Variants in WDFY4 observed in about 807,000 individuals in gnomAD.
The protein encoded by WDFY4 is WDFY family member 4, also known as WD repeat- and FYVE domain-containing protein 4.
Under a neutral mutation model 351.9 loss-of-function variants are expected in WDFY4, and 169 were observed. The ratio of observed to expected loss-of-function variants is 0.48; its 90% CI spans 0.42 to 0.55. The LOEUF (loss-of-function observed/expected upper bound fraction) is 0.55, where lower values mean the gene tolerates loss of function less well. Ranked by LOEUF, WDFY4 falls within the 20% of genes least tolerant of loss-of-function variation. WDFY4 has a pLI of 0.00. For missense variants in WDFY4, 3,803 were observed against 3,935.6 expected (o/e 0.97, Z 0.90); for synonymous variants, 1,622 against 1,574.6 (o/e 1.03, Z -0.71).
intron 47 of WDFY4, among the ~76,000 whole-genome samples, chr10:48,916,766 T>A (rs1305305403): frequency 6.6e-6 from 1 of 152,166 alleles, no homozygotes; most frequent in African/African-American, 2.4e-5. Context: ...CAGAGGTGAT[T>A]TCTTCATTGT....
chr10:48,978,671 G>C (rs549962075), intron 60 of WDFY4: 1 of 345,370 alleles, frequency 2.9e-6, no homozygotes, highest in African/African-American at 2.1e-5. Flanking sequence ...ATGAACACAG[G>C]TACAAACCTC....
chr10:48,961,164 G>A (rs1359596439), intron 53 of WDFY4, among the ~76,000 whole-genome samples: 1 of 152,226 alleles, frequency 6.6e-6, no homozygotes, highest in African/African-American at 2.4e-5. Flanking sequence ...TCTGCAAAGA[G>A]AAAGTTCTTC....
chr10:48,715,991 A>C lies in WDFY4; in HGVS notation c.235-4020A>C, dbSNP rs139669362. ...GATGTGGTGTCCTGAGGGGACAGTA[A>C]GGGTAAGCCCTCCTCTTTGTCCACT... is the stretch of plus-strand genomic sequence containing the variant. On this transcript the variant is annotated intron_variant, in intron 2 of 61. Coordinates refer to ENST00000325239, the MANE Select transcript of WDFY4 (RefSeq NM_001394531.1). 7.0e-3 allele frequency among the ~76,000 whole-genome samples: 1,061 copies of C among 152,152 alleles called. 11 individuals are homozygous for C. Among genetic ancestry groups the C allele is most frequent in the African/African-American group, 0.024 (1,015 of 41,500 alleles).
intron 47 of WDFY4, among the ~76,000 whole-genome samples, chr10:48,920,124 A>G (rs1266912058): frequency 1.4e-5 from 1 of 69,092 alleles, no homozygotes; most frequent in African/African-American, 4.9e-5. Context: ...GACTAAAAAG[A>G]AAAAAAAAAG....
intron 47 of WDFY4, among the ~76,000 whole-genome samples, chr10:48,922,007 C>A (rs187191740): frequency 6.6e-6 from 1 of 152,132 alleles, no homozygotes; most frequent in Non-Finnish European, 1.5e-5. Context: ...CATACTGAAA[C>A]CTGTTCACAG....
intron 9 of WDFY4, among the ~76,000 whole-genome samples, chr10:48,733,418 TC>T: frequency 6.6e-6 from 1 of 152,266 alleles, no homozygotes; most frequent in Non-Finnish European, 1.5e-5. Flanking sequence ...CCCTCATGGG[TC>T]TACTGGGATC....
At chr10:48,794,448 G>A (rs1054958052) in intron 23 of WDFY4, among the ~76,000 whole-genome samples, 2 of 152,140 alleles carry the variant, frequency 1.3e-5, no homozygotes, top group African/African-American at 4.8e-5. Flanking sequence ...GTATCATGTG[G>A]GAGAGAAGGC....
At position 48,778,431 on chromosome 10, in the gene WDFY4, C is replaced by G. The variant is rs535781195; in HGVS notation, c.3176-180C>G. On this transcript the variant is annotated intron_variant, in intron 17 of 61. Transcript: ENST00000325239. ...CACGTGTGACGGACCTCAGGGAGAT[C>G]GAGATCTTCTCTGCTCCCTTGGCAA... Among the ~76,000 whole-genome samples, 3 of 152,368 alleles carry G rather than the reference C, an allele frequency of 2.0e-5. No individual in the cohort carries two copies. The South Asian group carries it at 6.2e-4, about 32-fold the overall frequency.
At chr10:48,872,101 G>T (rs2069805707) in intron 40 of WDFY4, among the ~76,000 whole-genome samples, 1 of 152,180 alleles carries the variant, frequency 6.6e-6, no homozygotes, top group Non-Finnish European at 1.5e-5. Context: ...TCCATCAAAT[G>T]CCAGAAACCA....
intron 11 of WDFY4, among the ~76,000 whole-genome samples, chr10:48,739,071 G>A (rs1212958845): frequency 6.6e-6 from 1 of 152,148 alleles, no homozygotes; most frequent in East Asian, 1.9e-4. Context: ...GACTGTGATT[G>A]GGTTATGCAC....
rs562507940 is a variant in WDFY4, at chr10:48,898,408, C to T, written c.7437+834C>T. Among the ~76,000 whole-genome samples the T allele has an allele frequency of 1.3e-4, 20 of 152,228 alleles. No homozygotes were observed. In the South Asian group the frequency reaches 3.1e-3, roughly 24 times the overall value. ...GCAGAAAAGGGGATCCTAGGGACCA[C>T]GTAACAGGAGGGTCAGGATCTCTTC... On this transcript the variant is annotated intron_variant, in intron 45 of 61. Transcript: ENST00000325239.
At chr10:48,930,257 A>G (rs985324873) in intron 47 of WDFY4, among the ~76,000 whole-genome samples, 1 of 152,216 alleles carries the variant, frequency 6.6e-6, no homozygotes, top group Admixed American at 6.5e-5. Context: ...TTTTACATGT[A>G]CTGTTGAAGG....
In WDFY4 at chr10:48,845,476, AAG is replaced by A. The variant is rs146399829; in HGVS notation, c.6663+12774_6663+12775del. 1.5e-3 allele frequency among the ~76,000 whole-genome samples: 231 copies of A among 151,968 alleles called. 1 individual carries two copies. Among genetic ancestry groups the A allele is most frequent in the African/African-American group, 5.2e-3 (215 of 41,292 alleles). ...TTATGCTGTAAAAAGAGGTGCCCAG[AAG>A]AGAGAGTGCAAGTCTGGTTTGGAGG... On this transcript the variant is annotated intron_variant, in intron 39 of 61. Transcript: ENST00000325239.
intron 20 of WDFY4, among the ~76,000 whole-genome samples, chr10:48,787,948 CTTCTTCTT>C: frequency 9.3e-6 from 1 of 107,782 alleles, no homozygotes; most frequent in Non-Finnish European, 1.9e-5. Flanking sequence ...TCTTCTTCTT[CTTCTTCTT>C]CTTCTTCTTC....
At chr10:48,978,211 C>G (rs780399546) in intron 59 of WDFY4, 98 bp from the exon 60 acceptor site, 138 of 1,261,824 alleles carry the variant, frequency 1.1e-4, no homozygotes, top group Non-Finnish European at 1.4e-4. Flanking sequence ...TCATCCTTTC[C>G]CTGGGGGACC....
In WDFY4 at chr10:48,974,991, C is replaced by T. The variant is rs1189054947; in HGVS notation, c.9058C>T (p.Leu3020=). Residue 3020 remains leucine, a synonymous_variant, in exon 58 of 62, where the codon CTG becomes TTG. Transcript: ENST00000325239. ...DLDHLTHVTR[L]PAHREGISAI... ...GGACCACCTCACCCACGTGACCCGC[C>T]TGCCCGCCCATCGGGAAGGCATCTC... is the stretch of plus-strand genomic sequence containing the variant. 3.2e-6 allele frequency: 5 copies of T among 1,551,724 alleles called. No individual in the cohort carries two copies. The highest frequency in any genetic ancestry group is 3.5e-6 in the Non-Finnish European group (4 of 1,147,010).
chr10:48,950,020 T>C (rs147133854), intron 51 of WDFY4, among the ~76,000 whole-genome samples: 47 of 152,322 alleles, frequency 3.1e-4, no homozygotes, highest in African/African-American at 9.9e-4. Context: ...TAAACTATTT[T>C]ATACTTATTT....
At chr10:48,696,943 G>C (rs190755526) in intron 1 of WDFY4, among the ~76,000 whole-genome samples, 5 of 152,246 alleles carry the variant, frequency 3.3e-5, no homozygotes, top group African/African-American at 9.6e-5. Flanking sequence ...AGTCGCTAAG[G>C]TTACAGGTTA....
At chr10:48,862,755 A>T (rs1178266475) in intron 39 of WDFY4, among the ~76,000 whole-genome samples, 1 of 152,186 alleles carries the variant, frequency 6.6e-6, no homozygotes, top group African/African-American at 2.4e-5. Context: ...GCTGCCAAAA[A>T]AGTTGAGAAC....
Sources: gnomAD v4.1 joint callset for allele counts (sites outside exome capture counted in the v4.1 genomes callset) on GRCh38, gnomAD v4.1.1 for gene constraint, MANE v1.5 for transcripts, NCBI Gene and HGNC (gene_info 2026-07-23, HGNC 2026-07-21) for gene names.